The following TENM3 variants were observed in gnomAD, a reference collection of about 807,000 sequenced individuals.
TENM3 encodes teneurin transmembrane protein 3.
A neutral mutation model predicts 255.1 loss-of-function variants in TENM3; 63 were observed. The ratio of observed to expected loss-of-function variants is 0.25; its 90% CI spans 0.20 to 0.30. The LOEUF is 0.30. Ranked by LOEUF, TENM3 falls within the 10% of genes least tolerant of loss-of-function variation. The probability of loss-of-function intolerance (pLI) is 1.00; values close to 1 mark genes in which losing one functional copy is unlikely to be tolerated. For synonymous variants in TENM3, 1,306 were observed against 1,322.3 expected (o/e 0.99, Z 0.27); for missense variants, 2,929 against 3,461.1 (o/e 0.85, Z 3.86).
At chr4:181,978,277 C>A in the TENM3 span, among the ~76,000 whole-genome samples, 3 of 152,182 alleles carry the variant, frequency 2.0e-5, no homozygotes, top group Admixed American at 1.3e-4. Flanking sequence ...CCCACATTCT[C>A]ACATCTGGTT....
At chr4:181,455,659 A>C in the TENM3 span, among the ~76,000 whole-genome samples, 1 of 151,998 alleles carries the variant, frequency 6.6e-6, no homozygotes, top group Non-Finnish European at 1.5e-5. Context: ...TATTGGTGCT[A>C]ATCTGATGGA....
intron 24 of TENM3, among the ~76,000 whole-genome samples, chr4:182,788,732 T>C (rs1395906040): frequency 2.0e-5 from 3 of 152,244 alleles, no homozygotes; most frequent in African/African-American, 7.2e-5. Flanking sequence ...TACTAAGCAA[T>C]TATTTTCCAG....
chr4:182,410,075 C>T (rs963806125), intron 3 of TENM3, among the ~76,000 whole-genome samples: 1 of 152,182 alleles, frequency 6.6e-6, no homozygotes, highest in Admixed American at 6.5e-5. Flanking sequence ...TGTCTGCCTG[C>T]CTTGGGCTCC....
At chr4:182,291,794 C>T (rs1761143515) in intron 1 of TENM3, among the ~76,000 whole-genome samples, 1 of 152,144 alleles carries the variant, frequency 6.6e-6, no homozygotes. Context: ...TGCAGAGACA[C>T]CCACACAGGA....
chr4:182,416,299 G>C (rs76607991), intron 3 of TENM3, among the ~76,000 whole-genome samples: 1 of 152,128 alleles, frequency 6.6e-6, no homozygotes, highest in Non-Finnish European at 1.5e-5. Context: ...CTAGGAATGT[G>C]ATATTTCTGA....
intron 1 of TENM3, among the ~76,000 whole-genome samples, chr4:182,210,332 C>G (rs1353520330): frequency 6.6e-6 from 1 of 152,092 alleles, no homozygotes. Context: ...TCAAAATAGG[C>G]TTCTTTTCCC....
the TENM3 span, among the ~76,000 whole-genome samples, chr4:181,570,655 A>AAAGCAAGCAAGCAAGCAAGC: frequency 5.3e-5 from 8 of 150,236 alleles, no homozygotes; most frequent in African/African-American, 1.7e-4. Context: ...AGAAAGAAGG[A>AAAGCAAGCAAGCAAGCAAGC]AAGCAAGCAA....
chr4:182,022,003 A>G, the TENM3 span, among the ~76,000 whole-genome samples: 1 of 152,146 alleles, frequency 6.6e-6, no homozygotes, highest in African/African-American at 2.4e-5. Context: ...AGAACTAAAA[A>G]CAGAGCTACC....
Position 182,743,307 on chromosome 4 carries a change from C to T in TENM3, c.3517C>T (p.Leu1173=). 1 of 1,614,012 alleles carries T rather than the reference C, an allele frequency of 6.2e-7. No individual in the cohort carries two copies. The highest frequency in any genetic ancestry group is 8.5e-7 in the Non-Finnish European group (1 of 1,179,878). Reference sequence around the variant, plus strand: ...TGGTCAAGCTGATGGTAACAAGTTACTGGCCCCAGTGGCGCTAGCTTGTGG... The same window carrying T: ...TGGTCAAGCTGATGGTAACAAGTTATTGGCCCCAGTGGCGCTAGCTTGTGG... ...CNGQADGNKL[L]APVALACGID... Residue 1173 remains leucine, a synonymous_variant, in exon 19 of 28, where the codon CTG becomes TTG. Transcript: ENST00000511685.
the TENM3 span, among the ~76,000 whole-genome samples, chr4:181,594,089 G>C: frequency 2.6e-4 from 39 of 151,642 alleles, no homozygotes; most frequent in African/African-American, 8.5e-4. Flanking sequence ...TAAGGTAGCT[G>C]TTTCCAGGTG....
At chr4:181,970,340 G>T in the TENM3 span, among the ~76,000 whole-genome samples, 2 of 152,118 alleles carry the variant, frequency 1.3e-5, no homozygotes, top group Admixed American at 6.5e-5. Flanking sequence ...TTATTAAAAG[G>T]CTACAGAGCA....
chr4:182,171,734 A>G (rs1172489225), intron 1 of TENM3, among the ~76,000 whole-genome samples: 1 of 152,252 alleles, frequency 6.6e-6, no homozygotes, highest in Admixed American at 6.5e-5. Flanking sequence ...GAACATTCAG[A>G]TAAAAAACAA....
chr4:181,818,230 T>C, the TENM3 span, among the ~76,000 whole-genome samples: 1 of 152,334 alleles, frequency 6.6e-6, no homozygotes, highest in East Asian at 1.9e-4. Context: ...GGTGTTACCA[T>C]GAAGGTATTT....
the TENM3 span, among the ~76,000 whole-genome samples, chr4:181,868,381 A>G: frequency 0.024 from 3,647 of 152,216 alleles, 264 homozygotes; most frequent in East Asian, 0.27. Flanking sequence ...AGGCCTTAAA[A>G]AAGACGAAAT....
intron 22 of TENM3, among the ~76,000 whole-genome samples, chr4:182,756,336 G>A (rs1579362904): frequency 6.6e-6 from 1 of 152,156 alleles, no homozygotes; most frequent in East Asian, 1.9e-4. Context: ...AGCATGGAGT[G>A]GTGGCCCGGG....
intron 3 of TENM3, among the ~76,000 whole-genome samples, chr4:182,428,049 G>T (rs1580504109): frequency 6.6e-6 from 1 of 151,308 alleles, no homozygotes; most frequent in East Asian, 1.9e-4. Context: ...TAATGTATTT[G>T]CTATAAATAC....
chr4:182,295,425 GC>G (rs1391220231), intron 1 of TENM3, among the ~76,000 whole-genome samples: 10 of 151,568 alleles, frequency 6.6e-5, no homozygotes, highest in South Asian at 4.2e-4. Flanking sequence ...CTGCCACCAC[GC>G]CCAGCTAATT....
chr4:182,213,922 C>T (rs1356676947), intron 1 of TENM3, among the ~76,000 whole-genome samples: 1 of 152,088 alleles, frequency 6.6e-6, no homozygotes, highest in African/African-American at 2.4e-5. Context: ...CTGCCTCAGC[C>T]TCCCGAGTAG....
At position 182,407,265 on chromosome 4, in the gene TENM3, T is replaced by A. The variant is rs148379534; in HGVS notation, c.511+60336T>A. On this transcript the variant is annotated intron_variant, in intron 3 of 27. Coordinates refer to ENST00000511685, the MANE Select transcript of TENM3 (RefSeq NM_001080477.4). ...TTTGGTTATCATTTTGGAAAACCAA[T>A]TTTTTACTTCTAGGTTGCATCTTAC... Among the ~76,000 whole-genome samples, 52 of 152,272 alleles carry A rather than the reference T, an allele frequency of 3.4e-4. No homozygotes were observed. In the East Asian group the frequency reaches 9.6e-3, roughly 28 times the overall value.
Sources: gnomAD v4.1 joint callset for allele counts (sites outside exome capture counted in the v4.1 genomes callset) on GRCh38, gnomAD v4.1.1 for gene constraint, MANE v1.5 for transcripts, NCBI Gene and HGNC (gene_info 2026-07-23, HGNC 2026-07-21) for gene names.